The following SCAPER variants were observed in gnomAD, a reference collection of about 807,000 sequenced individuals.
SCAPER encodes the protein S-phase cyclin A associated protein in the ER.
A neutral mutation model predicts 182.2 loss-of-function variants in SCAPER; 98 were observed. That is an observed-to-expected ratio of 0.54 (90% CI 0.46 to 0.64). The LOEUF is 0.64. SCAPER is among the 30% of genes least tolerant of loss of function. The pLI is 0.00. For synonymous variants in SCAPER, 605 were observed against 564.6 expected (o/e 1.07, Z -1.01); for missense variants, 1,432 against 1,690.0 (o/e 0.85, Z 2.68).
intron 9 of SCAPER, chr15:76,774,552 C>T: frequency 5.8e-6 from 2 of 345,320 alleles, no homozygotes; most frequent in South Asian, 3.4e-5. Context: ...GAGATCCATG[C>T]TCTAGGATTT....
intron 22 of SCAPER, among the ~76,000 whole-genome samples, chr15:76,580,961 G>A (rs981293453): frequency 3.3e-5 from 5 of 152,182 alleles, no homozygotes; most frequent in African/African-American, 9.6e-5. Context: ...GATGAAAAAG[G>A]AGACATTATA....
chr15:76,668,607 A>T (rs2146814518), intron 20 of SCAPER, among the ~76,000 whole-genome samples: 1 of 152,338 alleles, frequency 6.6e-6, no homozygotes, highest in East Asian at 1.9e-4. Flanking sequence ...ACCAAAGTGA[A>T]TGCTCAGTCT....
chr15:76,494,100 C>T (rs1205705830), intron 24 of SCAPER, among the ~76,000 whole-genome samples: 3 of 152,068 alleles, frequency 2.0e-5, no homozygotes, highest in African/African-American at 7.2e-5. Context: ...TTTATTAGTG[C>T]TTACTGGGGG....
chr15:76,808,737 G>A (rs571900074), intron 5 of SCAPER, among the ~76,000 whole-genome samples: 29 of 152,322 alleles, frequency 1.9e-4, no homozygotes, highest in Non-Finnish European at 3.4e-4. Flanking sequence ...GAGATAAAGT[G>A]AAGTCTCCAG....
intron 7 of SCAPER, among the ~76,000 whole-genome samples, chr15:76,796,503 T>C (rs1336321277): frequency 6.6e-6 from 1 of 152,150 alleles, no homozygotes; most frequent in Non-Finnish European, 1.5e-5. Flanking sequence ...TTGAAGTAAA[T>C]ATATAACTCA....
At chr15:76,639,142 A>C (rs553075409) in intron 21 of SCAPER, among the ~76,000 whole-genome samples, 1 of 152,318 alleles carries the variant, frequency 6.6e-6, no homozygotes, top group Admixed American at 6.5e-5. Flanking sequence ...ACATACTGAA[A>C]TTTCACTTTT....
chr15:76,404,323 A>G (rs751949095), intron 27 of SCAPER, among the ~76,000 whole-genome samples: 5 of 152,126 alleles, frequency 3.3e-5, no homozygotes, highest in Non-Finnish European at 5.9e-5. Context: ...AACAAGAAAA[A>G]AAGACTGGTG....
intron 24 of SCAPER, among the ~76,000 whole-genome samples, chr15:76,477,007 A>G (rs1447912079): frequency 6.6e-6 from 1 of 152,158 alleles, no homozygotes; most frequent in Admixed American, 6.5e-5. Context: ...TAGAAAGGAA[A>G]TTAATTGACA....
chr15:76,633,119 C>T (rs2053273271), intron 21 of SCAPER, among the ~76,000 whole-genome samples: 1 of 152,032 alleles, frequency 6.6e-6, no homozygotes, highest in South Asian at 2.1e-4. Flanking sequence ...GGGTCTTTTT[C>T]ATTGATGTTG....
At chr15:76,634,289 C>A (rs903264477) in intron 21 of SCAPER, among the ~76,000 whole-genome samples, 6 of 152,224 alleles carry the variant, frequency 3.9e-5, no homozygotes, top group African/African-American at 1.4e-4. Flanking sequence ...CTTTTCCCCA[C>A]TCTCCATGGG....
chr15:76,556,956 T>A (rs1162536385), intron 23 of SCAPER, among the ~76,000 whole-genome samples: 1 of 152,206 alleles, frequency 6.6e-6, no homozygotes, highest in Non-Finnish European at 1.5e-5. Context: ...GGCATTTTTA[T>A]ACACCAGCAA....
chr15:76,605,201 A>G (rs557152054), intron 22 of SCAPER, among the ~76,000 whole-genome samples: 77 of 152,346 alleles, frequency 5.1e-4, no homozygotes, highest in Non-Finnish European at 9.6e-4. Context: ...CGACCCATCA[A>G]TACCTAACTT....
chr15:76,710,486 T>C (rs1371667148), intron 17 of SCAPER, among the ~76,000 whole-genome samples: 1 of 152,086 alleles, frequency 6.6e-6, no homozygotes, highest in South Asian at 2.1e-4. Context: ...TATTTCTACA[T>C]ACTAGCAAGA....
intron 2 of SCAPER, among the ~76,000 whole-genome samples, chr15:76,873,323 AAGGAAGGAAGGCAGGCAGGC>A (rs1354969518): frequency 0.011 from 1,433 of 124,746 alleles, 11 homozygotes; most frequent in South Asian, 0.023. Context: ...GGAAGGAAGG[AAGGAAGGAAGGCAGGCAGGC>A]AGGCAGGCAG....
At chr15:76,368,451 C>T (rs1478100459) in intron 29 of SCAPER, among the ~76,000 whole-genome samples, 4 of 152,212 alleles carry the variant, frequency 2.6e-5, no homozygotes, top group Non-Finnish European at 4.4e-5. Flanking sequence ...TAACGTTTGG[C>T]GTTTCTCACT....
chr15:76,611,442 A>G (rs1163291103), intron 22 of SCAPER, among the ~76,000 whole-genome samples: 1 of 152,148 alleles, frequency 6.6e-6, no homozygotes. Flanking sequence ...GTAACAGCCT[A>G]CCACCCAAAA....
intron 20 of SCAPER, among the ~76,000 whole-genome samples, chr15:76,700,728 CA>C (rs1418758007): frequency 1.3e-5 from 2 of 152,166 alleles, no homozygotes; most frequent in Non-Finnish European, 2.9e-5. Flanking sequence ...CAACTACAGA[CA>C]TGTTCCTGAT....
In SCAPER at chr15:76,771,715, T is replaced by C. The variant is rs117370664; in HGVS notation, c.1248+27A>G. 408 of 1,555,096 alleles carry C rather than the reference T, an allele frequency of 2.6e-4. 4 individuals are homozygous for C. The East Asian group carries it at 9.0e-3, about 34-fold the overall frequency. ...AAATATACTCAGAATTCTGATAAGT[T>C]GTTCTTACCAAGTTAGCAGCACTCA... On this transcript the variant is annotated intron_variant, in intron 10 of 31. Coordinates refer to ENST00000563290, the MANE Select transcript of SCAPER (RefSeq NM_020843.4).
At chr15:76,357,635 G>A (rs1316727344) in intron 29 of SCAPER, among the ~76,000 whole-genome samples, 1 of 152,204 alleles carries the variant, frequency 6.6e-6, no homozygotes, top group Non-Finnish European at 1.5e-5. Context: ...ACTCACACGT[G>A]TATGTTTATG....
Sources: gnomAD v4.1 joint callset for allele counts (sites outside exome capture counted in the v4.1 genomes callset) on GRCh38, gnomAD v4.1.1 for gene constraint, MANE v1.5 for transcripts, NCBI Gene and HGNC (gene_info 2026-07-23, HGNC 2026-07-21) for gene names.